Variants in ADGRD1 observed in about 807,000 individuals in gnomAD.
The protein encoded by ADGRD1 is G-protein coupled receptor 133.
Under a neutral mutation model 113.4 loss-of-function variants are expected in ADGRD1, and 77 were observed. That is an observed-to-expected ratio of 0.68 (90% CI 0.57 to 0.82). The LOEUF (loss-of-function observed/expected upper bound fraction) is 0.82, where lower values mean the gene tolerates loss of function less well. Among genes scored for constraint, ADGRD1 ranks in the 40% least tolerant of loss-of-function variants. ADGRD1 has a pLI of 0.00. For synonymous variants in ADGRD1, 474 were observed against 475.0 expected, an observed-to-expected ratio of 1.00 and a Z score of 0.03; for missense variants, 1,036 against 1,139.1, an observed-to-expected ratio of 0.91 and a Z score of 1.30.
intron 13 of ADGRD1, among the ~76,000 whole-genome samples, chr12:131,029,857 T>A (rs746101216): frequency 3.3e-4 from 8 of 24,494 alleles, no homozygotes; most frequent in African/African-American, 6.2e-4. Context: ...GACCCCTCGT[T>A]CGGTGACATT....
rs776369861 is a variant in ADGRD1 at position 131,113,033 on chromosome 12, C to G, written c.2041+4156C>G. On this transcript the variant is annotated intron_variant, in intron 18 of 24. Coordinates refer to ENST00000261654, the MANE Select transcript of ADGRD1 (RefSeq NM_198827.5). The surrounding 1 kb of genome is among the most constrained non-coding windows in gnomAD (Gnocchi z 4.9). ...CCACCTCCCCCAGCCTGGGGAGATA[C>G]CGTAGCCCTGGACTGGGAGCTGGAG... is the stretch of plus-strand genomic sequence containing the variant. Among the ~76,000 whole-genome samples, 10 of 152,184 alleles carry G rather than the reference C, an allele frequency of 6.6e-5. No individual in the cohort carries two copies. Among genetic ancestry groups the G allele is most frequent in the Non-Finnish European group, 1.2e-4 (8 of 68,028 alleles).
At chr12:130,958,552 G>A (rs1441255108) in intron 2 of ADGRD1, among the ~76,000 whole-genome samples, 10 of 152,034 alleles carry the variant, frequency 6.6e-5, no homozygotes, top group African/African-American at 2.4e-4. Flanking sequence ...TGCTCACCTC[G>A]TTTCCTGCTG....
Position 131,045,507 on chromosome 12 carries a change from C to A in ADGRD1, c.1473+31167C>A, listed in dbSNP as rs970144339. ...CGGCAGGGCAGTGCTGTACAGGGAC[C>A]CCCCCCCACCCCCGCCTCCCTGCCC... On this transcript the variant is annotated intron_variant, in intron 13 of 24. Transcript: ENST00000261654. Among the ~76,000 whole-genome samples the A allele has an allele frequency of 3.1e-3, 50 of 16,208 alleles. No homozygotes were observed. The African/African-American group carries it at 0.037, about 12-fold the overall frequency. The allele number at this position is 16,208 out of a possible 152,430, so 10.6% of individuals were successfully genotyped here. A position where few individuals can be genotyped will look rare whatever the true frequency, so the allele number is the denominator to read the frequency against.
At chr12:131,069,924 G>A (rs374022274) in intron 13 of ADGRD1, 3 of 152,260 alleles carry the variant, frequency 2.0e-5, no homozygotes, top group Admixed American at 1.3e-4. Context: ...AATACAGGTC[G>A]CCTTGTTGCG....
chr12:130,994,675 G>A (rs1874990517), intron 8 of ADGRD1, among the ~76,000 whole-genome samples: 1 of 152,248 alleles, frequency 6.6e-6, no homozygotes, highest in Admixed American at 6.5e-5. Context: ...TGGGTGGGTT[G>A]CTTCATTAAT....
intron 3 of ADGRD1, chr12:130,969,185 G>A: frequency 1.5e-6 from 1 of 668,742 alleles, no homozygotes. Context: ...GCTAGCAAGT[G>A]AGCAAATGTC....
chr12:131,002,882 C>A, intron 9 of ADGRD1: 1 of 1,132,272 alleles, frequency 8.8e-7, no homozygotes, highest in Non-Finnish European at 1.2e-6. Flanking sequence ...TCTGTGAGTT[C>A]AGGGAGGAGG....
chr12:131,094,430 T>C (rs974156547), intron 15 of ADGRD1, among the ~76,000 whole-genome samples: 2 of 151,830 alleles, frequency 1.3e-5, no homozygotes. Flanking sequence ...GGACGGTCTA[T>C]TGCCCTGTTG....
intron 21 of ADGRD1, among the ~76,000 whole-genome samples, chr12:131,132,572 C>T (rs979307952): frequency 1.5e-4 from 23 of 152,220 alleles, no homozygotes; most frequent in Non-Finnish European, 3.1e-4. Flanking sequence ...GGCTTCAGGC[C>T]GAGGTCGACT....
chr12:131,097,910 G>A (rs1163644084), intron 15 of ADGRD1, among the ~76,000 whole-genome samples: 1 of 152,232 alleles, frequency 6.6e-6, no homozygotes, highest in Non-Finnish European at 1.5e-5. Flanking sequence ...TTGGCTTCCT[G>A]CCAAGTCCAA....
chr12:131,001,131 C>T (rs1876336927), intron 9 of ADGRD1, among the ~76,000 whole-genome samples: 1 of 151,718 alleles, frequency 6.6e-6, no homozygotes, highest in Admixed American at 6.6e-5. Flanking sequence ...CAATAGAAAG[C>T]TTTTTATGTT....
intron 8 of ADGRD1, among the ~76,000 whole-genome samples, chr12:130,995,813 G>A (rs1017512023): frequency 6.6e-6 from 1 of 151,810 alleles, no homozygotes; most frequent in African/African-American, 2.4e-5. Flanking sequence ...TCGCAGAGGG[G>A]GATTTGGCAG....
intron 2 of ADGRD1, among the ~76,000 whole-genome samples, chr12:130,955,781 T>C (rs200411553): frequency 1.5e-5 from 2 of 136,416 alleles, no homozygotes; most frequent in African/African-American, 5.2e-5. Context: ...TTAAAAAAAT[T>C]ATTTTTGTTT....
At chr12:131,023,694 C>A (rs574952109) in intron 13 of ADGRD1, 5 of 152,160 alleles carry the variant, frequency 3.3e-5, no homozygotes, top group Non-Finnish European at 5.9e-5. Flanking sequence ...TTATTCAGCT[C>A]ATCTCCTACT....
At chr12:130,987,645 C>T in intron 6 of ADGRD1, 1 of 431,542 alleles carries the variant, frequency 2.3e-6, no homozygotes, top group South Asian at 2.6e-5. Context: ...TATTCCAGAT[C>T]CATTAGTGTT....
rs1042825815 is a variant in ADGRD1 at position 131,113,685 on chromosome 12, T to C, written c.2042-4700T>C. ...GCCACCTCCAGACTGCGGCTGGTCA[T>C]GCAGGGAGCTCCCCGAGTCACCACG... On this transcript the variant is annotated intron_variant, in intron 18 of 24. Transcript: ENST00000261654. The surrounding 1 kb of genome is among the most constrained non-coding windows in gnomAD (Gnocchi z 4.9). Among the ~76,000 whole-genome samples the C allele has an allele frequency of 6.6e-6, 1 of 152,150 alleles. No homozygotes were observed. The highest frequency in any genetic ancestry group is 1.5e-5 in the Non-Finnish European group (1 of 68,022).
chr12:131,102,567 C>T (rs960687333), intron 15 of ADGRD1, among the ~76,000 whole-genome samples: 1 of 152,162 alleles, frequency 6.6e-6, no homozygotes, highest in Admixed American at 6.5e-5. Flanking sequence ...TGCCAGGCAG[C>T]GATAGGGAGT....
At chr12:131,114,091 A>G (rs1429270136) in intron 18 of ADGRD1, among the ~76,000 whole-genome samples, 1 of 152,140 alleles carries the variant, frequency 6.6e-6, no homozygotes, top group Non-Finnish European at 1.5e-5. Context: ...GAGTGAGAGC[A>G]ATGTATGTAG....
At chr12:131,127,561 G>A (rs28718279) in intron 20 of ADGRD1, among the ~76,000 whole-genome samples, 22,464 of 143,946 alleles carry the variant, frequency 0.16, 1,028 homozygotes, top group African/African-American at 0.2. Flanking sequence ...TGTTGGTTGG[G>A]TTGGTTGTGA....
Sources: gnomAD v4.1 joint callset for allele counts (sites outside exome capture counted in the v4.1 genomes callset) on GRCh38, gnomAD v4.1.1 for gene constraint, Gnocchi (gnomAD v3.1) non-coding constraint, MANE v1.5 for transcripts, NCBI Gene and HGNC (gene_info 2026-07-23, HGNC 2026-07-21) for gene names.